The following SDK2 variants were observed in gnomAD, a reference collection of about 807,000 sequenced individuals.
The protein encoded by SDK2 is protein sidekick-2.
In SDK2, 105 loss-of-function variants were observed where a neutral mutation model predicts 253.9. The ratio of observed to expected loss-of-function variants is 0.41; its 90% CI spans 0.35 to 0.49. The LOEUF is 0.49. SDK2 is among the 20% of genes least tolerant of loss of function. The pLI is 0.06. For synonymous variants in SDK2, 1,249 were observed against 1,234.9 expected, an observed-to-expected ratio of 1.01 and a Z score of -0.24; for missense variants, 2,608 against 3,003.0, an observed-to-expected ratio of 0.87 and a Z score of 3.07.
chr17:73,573,852 T>C (rs377621824), intron 1 of SDK2, among the ~76,000 whole-genome samples: 2 of 152,200 alleles, frequency 1.3e-5, no homozygotes, highest in East Asian at 3.8e-4. Context: ...CCCCTGGCTC[T>C]CCTGTGCTCC....
Position 73,434,308 on chromosome 17 carries a change from G to A in SDK2, c.1196-460C>T, listed in dbSNP as rs144745736. ...GGAGCTCCATTCGGCCATGGCCACC[G>A]TTTAGGGTTGGGGCAGCCTCCTGGC... is the stretch of plus-strand genomic sequence containing the variant. On this transcript the variant is annotated intron_variant, in intron 9 of 44. Coordinates refer to ENST00000392650, the MANE Select transcript of SDK2 (RefSeq NM_001144952.2). Among the ~76,000 whole-genome samples, 531 of 152,348 alleles carry A rather than the reference G, an allele frequency of 3.5e-3. 5 individuals are homozygous for A. Among genetic ancestry groups the A allele is most frequent in the African/African-American group, 0.012 (503 of 41,584 alleles).
intron 1 of SDK2, among the ~76,000 whole-genome samples, chr17:73,617,211 AGGAGGGGAGAGGGCTCCCGCAGAGG>A (rs1567875892): frequency 1.3e-5 from 1 of 77,352 alleles, no homozygotes; most frequent in African/African-American, 5.1e-5. Flanking sequence ...TCCTGCAGAG[AGGAGGGGAGAGGGCTCCCGCAGAGG>A]GGAGGGGAGA....
chr17:73,630,743 G>A lies in SDK2; in HGVS notation c.64+13282C>T, dbSNP rs571573194. On this transcript the variant is annotated intron_variant, in intron 1 of 44. Coordinates refer to ENST00000392650, the MANE Select transcript of SDK2 (RefSeq NM_001144952.2). ...GGCACAGACAATGGGCCTTGTGTTC[G>A]TCCCCACGCCTTCCTGCTTCAAACC... Among the ~76,000 whole-genome samples the A allele has an allele frequency of 6.6e-5, 10 of 152,242 alleles. 1 individual carries two copies. Among genetic ancestry groups the A allele is most frequent in the East Asian group, 1.9e-4 (1 of 5,170 alleles).
intron 34 of SDK2, 151 bp downstream of exon 34, chr17:73,380,743 T>A: frequency 1.4e-6 from 1 of 717,032 alleles, no homozygotes; most frequent in East Asian, 2.7e-5. Flanking sequence ...GTGTTTAGGG[T>A]TATCACTTGT....
intron 30 of SDK2, among the ~76,000 whole-genome samples, chr17:73,387,336 T>C (rs1161393207): frequency 6.6e-6 from 1 of 152,184 alleles, no homozygotes; most frequent in Non-Finnish European, 1.5e-5. Flanking sequence ...TCTATAAGCC[T>C]TATTTCCTCT....
chr17:73,365,425 CCTT>C (rs780343407), intron 37 of SDK2, 30 bp from the exon 38 acceptor site: 52 of 1,571,870 alleles, frequency 3.3e-5, no homozygotes, highest in Non-Finnish European at 4.3e-5. Context: ...GTTTTTGTTT[CCTT>C]CTTCTGTGGA....
rs2062696748 is a variant in SDK2 at position 73,367,592 on chromosome 17, TC to T, written c.5167+814del. On this transcript the variant is annotated intron_variant, in intron 37 of 44. Coordinates refer to ENST00000392650, the MANE Select transcript of SDK2 (RefSeq NM_001144952.2). ...ATCTCGGCTCACTGCAACCTCCACC[TC>T]CCGGGTTCAAGTGATTCTCCTGCCT... 5.9e-5 allele frequency among the ~76,000 whole-genome samples: 9 copies of T among 151,854 alleles called. No homozygotes were observed. In the South Asian group the frequency reaches 1.9e-3, roughly 32 times the overall value.
chr17:73,498,744 T>C lies in SDK2; in HGVS notation c.224+8694A>G, dbSNP rs575371333. 2.6e-5 allele frequency among the ~76,000 whole-genome samples: 4 copies of C among 152,244 alleles called. No individual in the cohort carries two copies. In the South Asian group the frequency reaches 8.3e-4, roughly 32 times the overall value. On this transcript the variant is annotated intron_variant, in intron 2 of 44. Coordinates refer to ENST00000392650, the MANE Select transcript of SDK2 (RefSeq NM_001144952.2). ...AAAAGTCGCAGTGTGGGGCCTGGCA[T>C]GAGGTAGGTGATCGTTTGGAGTGTT...
chr17:73,493,460 GGGA>G (rs2063821451), intron 2 of SDK2, among the ~76,000 whole-genome samples: 1 of 152,228 alleles, frequency 6.6e-6, no homozygotes, highest in African/African-American at 2.4e-5. Context: ...GCTGGGAAGT[GGGA>G]GGAGATGACA....
At chr17:73,514,695 CCT>C (rs1410336908) in intron 1 of SDK2, among the ~76,000 whole-genome samples, 1 of 152,192 alleles carries the variant, frequency 6.6e-6, no homozygotes, top group East Asian at 1.9e-4. Context: ...CATGCAGAAA[CCT>C]CTCTCTTTTT....
chr17:73,438,826 G>A (rs2063392476), intron 6 of SDK2, among the ~76,000 whole-genome samples: 1 of 152,120 alleles, frequency 6.6e-6, no homozygotes, highest in African/African-American at 2.4e-5. Context: ...GTGGGCCCCT[G>A]CTAGTGCCAT....
At position 73,373,939 on chromosome 17, in the gene SDK2, T is replaced by A. The variant is rs780631554; in HGVS notation, c.4980+5238A>T. 2.4e-4 allele frequency among the ~76,000 whole-genome samples: 34 copies of A among 140,496 alleles called. 1 individual carries two copies. Among genetic ancestry groups the A allele is most frequent in the Non-Finnish European group, 4.0e-4 (27 of 67,274 alleles). The allele number at this position is 140,496 out of a possible 152,430, so 92.2% of individuals were successfully genotyped here. ...GGCATGAGCCACCGTGCCCAGCCTA[T>A]GTATCTTCTTTTGAGAAATGTCCAT... On this transcript the variant is annotated intron_variant, in intron 36 of 44. Coordinates refer to ENST00000392650, the MANE Select transcript of SDK2 (RefSeq NM_001144952.2).
At chr17:73,378,562 G>A (rs2062803376) in intron 36 of SDK2, among the ~76,000 whole-genome samples, 3 of 151,910 alleles carry the variant, frequency 2.0e-5, no homozygotes, top group South Asian at 2.1e-4. Flanking sequence ...TGGGATTACC[G>A]GTGCCTGCCA....
At chr17:73,483,700 TATA>T (rs2063752157) in intron 2 of SDK2, among the ~76,000 whole-genome samples, 2 of 81,764 alleles carry the variant, frequency 2.4e-5, no homozygotes, top group East Asian at 3.7e-4. Flanking sequence ...TATATATATA[TATA>T]TATATTTTTT....
Position 73,422,324 on chromosome 17 carries a change from C to T in SDK2, c.2008G>A (p.Asp670Asn), listed in dbSNP as rs752089939. The part of the protein sequence containing the change: ...SYQFRLCAVN[D>N]VGKGQFSKDT... ...TTGCTGAACTGTCCTTTCCCCACGT[C>T]GTTGACGGCACAAAGACGGAACTGG... is the stretch of plus-strand genomic sequence containing the variant. Residue 670 changes from aspartate to asparagine, a missense_variant, in exon 15 of 45, where the codon GAC becomes AAC. Asp to Asn is a conservative substitution (Grantham distance 23, BLOSUM62 1). This residue lies in a region of SDK2 where 1,505 missense variants were observed against 1,859.1 expected (regional missense o/e 0.81). Coordinates refer to ENST00000392650, the MANE Select transcript of SDK2 (RefSeq NM_001144952.2). The T allele has an allele frequency of 5.6e-6, 9 of 1,613,858 alleles. No individual in the cohort carries two copies. The highest frequency in any genetic ancestry group is 2.2e-5 in the East Asian group (1 of 44,886).
At chr17:73,590,321 C>T (rs1002130952) in intron 1 of SDK2, among the ~76,000 whole-genome samples, 1 of 152,190 alleles carries the variant, frequency 6.6e-6, no homozygotes, top group African/African-American at 2.4e-5. Context: ...CAGGACCTGG[C>T]AACCAGCACC....
chr17:73,553,085 G>A (rs1381157680), intron 1 of SDK2, among the ~76,000 whole-genome samples: 1 of 152,236 alleles, frequency 6.6e-6, no homozygotes, highest in Non-Finnish European at 1.5e-5. Context: ...CAAAGGCAGA[G>A]GCTTCTGTGG....
At chr17:73,349,801 G>T (rs908047743) in intron 43 of SDK2, among the ~76,000 whole-genome samples, 1 of 152,136 alleles carries the variant, frequency 6.6e-6, no homozygotes, top group Non-Finnish European at 1.5e-5. Flanking sequence ...GTGCTCAGGC[G>T]TCCTTCGCTA....
chr17:73,367,086 C>A (rs1158918584), intron 37 of SDK2, among the ~76,000 whole-genome samples: 1 of 152,108 alleles, frequency 6.6e-6, no homozygotes, highest in South Asian at 2.1e-4. Context: ...TCACTGCAAC[C>A]TCCACCTCCC....
Sources: allele counts gnomAD v4.1 joint callset (sites outside exome capture counted in the v4.1 genomes callset), GRCh38; gene constraint gnomAD v4.1.1; regional missense constraint gnomAD v4.1.1; transcripts MANE v1.5; gene names NCBI Gene and HGNC (gene_info 2026-07-23, HGNC 2026-07-21).